SLC39A12: variants seen among roughly 807,000 people sequenced by gnomAD.
The protein encoded by SLC39A12 is solute carrier family 39 member 12, also known as zinc transporter ZIP12.
Under a neutral mutation model 71.1 loss-of-function variants are expected in SLC39A12, and 63 were observed. The observed-to-expected ratio is 0.89, with a 90% CI of 0.72 to 1.09. SLC39A12 has a LOEUF of 1.09. SLC39A12 is among the 50% of genes least tolerant of loss of function. SLC39A12 has a pLI of 0.00. For synonymous variants in SLC39A12, 351 were observed against 301.3 expected (o/e 1.16, Z -1.71); for missense variants, 892 against 812.6 (o/e 1.10, Z -1.19).
chr10:18,029,663 C>T (rs1370469372), intron 12 of SLC39A12, among the ~76,000 whole-genome samples: 1 of 152,090 alleles, frequency 6.6e-6, no homozygotes, highest in Admixed American at 6.5e-5. Flanking sequence ...CCCTCCTCTA[C>T]TCTTAGAGTA....
intron 4 of SLC39A12, among the ~76,000 whole-genome samples, chr10:17,968,731 T>C (rs1564641269): frequency 6.6e-6 from 1 of 152,178 alleles, no homozygotes; most frequent in Non-Finnish European, 1.5e-5. Flanking sequence ...ATGCAATGTG[T>C]AATAATGACA....
At chr10:18,026,939 A>C (rs947958231) in intron 12 of SLC39A12, among the ~76,000 whole-genome samples, 1 of 151,810 alleles carries the variant, frequency 6.6e-6, no homozygotes, top group African/African-American at 2.4e-5. Flanking sequence ...TTTTTTATTA[A>C]GTTCCTTAAC....
intron 3 of SLC39A12, among the ~76,000 whole-genome samples, chr10:17,962,992 C>T (rs186235732): frequency 1.1e-3 from 166 of 152,080 alleles, no homozygotes; most frequent in African/African-American, 3.8e-3. Flanking sequence ...CTTGTCTCTA[C>T]GAAAATAGAA....
At chr10:17,972,785 CTATT>C (rs1433990491) in intron 4 of SLC39A12, among the ~76,000 whole-genome samples, 1 of 149,992 alleles carries the variant, frequency 6.7e-6, no homozygotes, top group Non-Finnish European at 1.5e-5. Context: ...TTTTTTTTAT[CTATT>C]CTGCTAGTCT....
intron 12 of SLC39A12, among the ~76,000 whole-genome samples, chr10:18,020,282 C>T (rs1159927362): frequency 6.6e-6 from 1 of 152,008 alleles, no homozygotes; most frequent in Non-Finnish European, 1.5e-5. Context: ...ATCCATGTTG[C>T]CGCAAAAGGT....
rs746271255 is a variant in SLC39A12, at chr10:17,965,728, C to T, written c.751+38C>T. 2.2e-5 allele frequency: 34 copies of T among 1,518,932 alleles called. No homozygotes were observed. In the South Asian group the frequency reaches 3.7e-4, roughly 16 times the overall value. 94.1% of individuals were successfully genotyped at this position (1,518,932 alleles called of 1,614,324 possible). ...TCACGAATTTAACTTCCAAGTCACA[C>T]CTGCTAAATAAACTATGCCAAAAAC... On this transcript the variant is annotated intron_variant, in intron 4 of 12. Coordinates refer to ENST00000377369, the MANE Select transcript of SLC39A12 (RefSeq NM_001145195.2).
intron 12 of SLC39A12, 107 bp from the exon 13 acceptor site, chr10:18,042,598 T>A: frequency 8.9e-7 from 1 of 1,126,422 alleles, no homozygotes; most frequent in Non-Finnish European, 1.2e-6. Context: ...TTGGGAATTT[T>A]AAAGGTTATT....
rs527329802 is a variant in SLC39A12, at chr10:17,960,194, G to A, written c.262-1387G>A. ...TTTTTTTTAACATTATACCAATGGA[G>A]GATTATTTTAGTAAAGTTCGTTTGT... On this transcript the variant is annotated intron_variant, in intron 2 of 12. Transcript: ENST00000377369. Among the ~76,000 whole-genome samples the A allele has an allele frequency of 1.1e-3, 169 of 152,232 alleles. 1 individual carries two copies. The highest frequency in any genetic ancestry group is 3.9e-3 in the African/African-American group (164 of 41,526).
intron 10 of SLC39A12, among the ~76,000 whole-genome samples, chr10:17,997,078 A>T (rs1198908676): frequency 6.6e-6 from 1 of 152,086 alleles, no homozygotes; most frequent in Non-Finnish European, 1.5e-5. Context: ...TAATGCACCA[A>T]CAATTTTTTT....
At position 17,987,647 on chromosome 10, in the gene SLC39A12, C is replaced by T. The variant is rs1266090678; in HGVS notation, c.1265C>T (p.Pro422Leu). 6.2e-7 allele frequency: 1 copy of T among 1,614,126 alleles called. No individual in the cohort carries two copies. ...GGGGACGCTCTGCTCCACCTTATCCCTCAGGTAATCTGGTCTTTTCCATTT... is the reference window on the plus strand; with the variant it reads ...GGGGACGCTCTGCTCCACCTTATCCTTCAGGTAATCTGGTCTTTTCCATTT... ...LSGDALLHLI[P>L]QVLGLHKQEA... The change falls in exon 7 of 13, where the codon CCT (proline) becomes CTT (leucine). Residue 422 changes from proline to leucine, a missense_variant. Physicochemically the swap from Pro to Leu is moderately conservative, Grantham distance 98. Transcript: ENST00000377369.
At chr10:17,994,533 C>G (rs1835636422) in intron 9 of SLC39A12, among the ~76,000 whole-genome samples, 1 of 152,050 alleles carries the variant, frequency 6.6e-6, no homozygotes, top group Admixed American at 6.6e-5. Flanking sequence ...ACAAAACATT[C>G]TAGAATAAAT....
rs143932694 is a variant in SLC39A12 at position 17,981,166 on chromosome 10, G to C, written c.925-146G>C. ...CCTTAGGAATTACGTACAGCTGAAAGTTTGCAGGGAAACACGTGTCGTACC... is the reference window on the plus strand; with the variant it reads ...CCTTAGGAATTACGTACAGCTGAAACTTTGCAGGGAAACACGTGTCGTACC... On this transcript the variant is annotated intron_variant, in intron 5 of 12. Coordinates refer to ENST00000377369, the MANE Select transcript of SLC39A12 (RefSeq NM_001145195.2). 2.5e-4 allele frequency: 151 copies of C among 600,108 alleles called. No homozygotes were observed. The African/African-American group carries it at 2.7e-3, about 11-fold the overall frequency. 37.2% of individuals were successfully genotyped at this position (600,108 alleles called of 1,614,324 possible).
intron 12 of SLC39A12, among the ~76,000 whole-genome samples, chr10:18,028,571 T>C (rs1482872663): frequency 2.0e-5 from 3 of 152,176 alleles, no homozygotes; most frequent in African/African-American, 7.2e-5. Flanking sequence ...CTCCCTAGTA[T>C]ACAGTTATCA....
intron 5 of SLC39A12, among the ~76,000 whole-genome samples, chr10:17,979,618 G>C (rs544807246): frequency 1.3e-5 from 2 of 152,090 alleles, no homozygotes; most frequent in Non-Finnish European, 2.9e-5. Context: ...ACATTATTTT[G>C]ATAAAGGGAA....
At chr10:18,002,953 A>G in intron 11 of SLC39A12, 2 of 475,052 alleles carry the variant, frequency 4.2e-6, no homozygotes, top group Admixed American at 3.6e-5. Flanking sequence ...AGGAGCAGCC[A>G]AAGGAATGGA....
intron 6 of SLC39A12, among the ~76,000 whole-genome samples, chr10:17,983,743 T>C (rs909187767): frequency 2.0e-5 from 3 of 151,320 alleles, no homozygotes; most frequent in Non-Finnish European, 3.0e-5. Flanking sequence ...GATTGCACCA[T>C]TGCACTCCAG....
intron 12 of SLC39A12, among the ~76,000 whole-genome samples, chr10:18,037,676 A>T (rs1353252154): frequency 6.6e-6 from 1 of 152,198 alleles, no homozygotes; most frequent in Admixed American, 6.5e-5. Context: ...GCATTGCATA[A>T]GACTTTGTAG....
chr10:17,973,923 C>T (rs1368022076), intron 4 of SLC39A12, among the ~76,000 whole-genome samples: 1 of 151,116 alleles, frequency 6.6e-6, no homozygotes, highest in African/African-American at 2.4e-5. Flanking sequence ...CTTTTGTCTC[C>T]TCTGTGTATT....
chr10:18,002,780 A>C (rs910700110), intron 11 of SLC39A12: 1 of 156,454 alleles, frequency 6.4e-6, no homozygotes, highest in African/African-American at 2.4e-5. Flanking sequence ...TAAATAATAA[A>C]AGCCCATATA....
Sources: gnomAD v4.1 joint callset for allele counts (sites outside exome capture counted in the v4.1 genomes callset) on GRCh38, gnomAD v4.1.1 for gene constraint, MANE v1.5 for transcripts, NCBI Gene and HGNC (gene_info 2026-07-23, HGNC 2026-07-21) for gene names.